The following PIEZO2 variants were observed in gnomAD, a reference collection of about 807,000 sequenced individuals.
The protein encoded by PIEZO2 is piezo-type mechanosensitive ion channel component 2.
PIEZO2 carries 172 observed loss-of-function variants against 337.3 expected under a neutral mutation model. The ratio of observed to expected loss-of-function variants is 0.51; its 90% CI spans 0.45 to 0.58. PIEZO2 has a LOEUF of 0.58. PIEZO2 is among the 20% of genes least tolerant of loss of function. The pLI is 0.00. For missense variants in PIEZO2, 3,028 were observed against 3,391.3 expected (o/e 0.89, Z 2.66); for synonymous variants, 1,251 against 1,228.5 (o/e 1.02, Z -0.38).
At position 10,676,898 on chromosome 18, in the gene PIEZO2, C is replaced by G. The variant is rs1045667893; in HGVS notation, c.8081+849G>C. ...TTCCTGAATAGGGCCCTTGGAGGCA[C>G]CAATAGCCCAGTACCCCCGGGGGCA... On this transcript the variant is annotated intron_variant, in intron 53 of 55. Transcript: ENST00000674853. This position sits in a 1 kb window ranked among gnomAD's most constrained non-coding sequence, Gnocchi z 5.1. Among the ~76,000 whole-genome samples the G allele has an allele frequency of 3.3e-5, 5 of 152,158 alleles. No homozygotes were observed. Among genetic ancestry groups the G allele is most frequent in the Non-Finnish European group, 7.4e-5 (5 of 68,014 alleles).
intron 2 of PIEZO2, among the ~76,000 whole-genome samples, chr18:10,997,473 A>T (rs950372479): frequency 2.0e-5 from 3 of 152,226 alleles, no homozygotes; most frequent in Non-Finnish European, 2.9e-5. Context: ...TTAGAAAATG[A>T]TTTTAAACCA....
At chr18:10,706,624 G>T (rs2143798252) in intron 40 of PIEZO2, among the ~76,000 whole-genome samples, 1 of 152,258 alleles carries the variant, frequency 6.6e-6, no homozygotes, top group South Asian at 2.1e-4. Flanking sequence ...TTGGCATTCT[G>T]TTCTTTTCTC....
At chr18:10,928,035 A>G (rs2031854738) in intron 3 of PIEZO2, among the ~76,000 whole-genome samples, 2 of 152,216 alleles carry the variant, frequency 1.3e-5, no homozygotes, top group African/African-American at 4.8e-5. Context: ...TAACAATACC[A>G]TACACTGGTG....
intron 7 of PIEZO2, among the ~76,000 whole-genome samples, chr18:10,836,222 T>C (rs568175520): frequency 6.6e-6 from 1 of 152,308 alleles, no homozygotes; most frequent in Non-Finnish European, 1.5e-5. Context: ...CCTTGACTGA[T>C]GATTCCTGGA....
chr18:10,726,735 C>T lies in PIEZO2; in HGVS notation c.5029+4672G>A. On this transcript the variant is annotated intron_variant, in intron 36 of 55. Coordinates refer to ENST00000674853, the MANE Select transcript of PIEZO2 (RefSeq NM_001378183.1). The surrounding 1 kb of genome is among the most constrained non-coding windows in gnomAD (Gnocchi z 5.9). ...GCATCCTGTGCATTCTGGGACATCG[C>T]CAGACCATCGATTTCCCGCTGCTGA... is the stretch of plus-strand genomic sequence containing the variant. The T allele has an allele frequency of 6.9e-7, 1 of 1,452,370 alleles. No homozygotes were observed. Among genetic ancestry groups the T allele is most frequent in the South Asian group, 1.2e-5 (1 of 86,914 alleles). The allele number at this position is 1,452,370 out of a possible 1,614,324, so 90.0% of individuals were successfully genotyped here. A position where few individuals can be genotyped will look rare whatever the true frequency, so the allele number is the denominator to read the frequency against.
At chr18:11,012,230 C>T (rs2035933097) in intron 2 of PIEZO2, among the ~76,000 whole-genome samples, 1 of 152,164 alleles carries the variant, frequency 6.6e-6, no homozygotes, top group Non-Finnish European at 1.5e-5. Context: ...ATAAGTGCTC[C>T]ATTATGACAT....
rs950560171 is a variant in PIEZO2 at position 10,746,374 on chromosome 18, A to C, written c.4424+2097T>G. Among the ~76,000 whole-genome samples the C allele has an allele frequency of 9.9e-5, 15 of 152,072 alleles. No individual in the cohort carries two copies. Among genetic ancestry groups the C allele is most frequent in the African/African-American group, 3.6e-4 (15 of 41,410 alleles). ...CAATCTCAGCGCTGCAGTCACTGTG[A>C]GCTTCTGATGGCTACTTCCCTCCGT... is the stretch of plus-strand genomic sequence containing the variant. On this transcript the variant is annotated intron_variant, in intron 30 of 55. Coordinates refer to ENST00000674853, the MANE Select transcript of PIEZO2 (RefSeq NM_001378183.1). The surrounding 1 kb of genome is among the most constrained non-coding windows in gnomAD (Gnocchi z 4.2).
chr18:10,698,918 C>T lies in PIEZO2; in HGVS notation c.6694+7G>A, dbSNP rs886210956. The T allele has an allele frequency of 1.3e-6, 2 of 1,536,034 alleles. No individual in the cohort carries two copies. Among genetic ancestry groups the T allele is most frequent in the African/African-American group, 2.7e-5 (2 of 73,038 alleles). ...CTACAGCCTAGATATATTGTGTCGA[C>T]AGATACCTCTTTGGGATCTGTTTGA... On this transcript the variant is annotated splice_region_variant and intron_variant, in intron 44 of 55. Transcript: ENST00000674853.
rs148015233 is a variant in PIEZO2 at position 11,090,316 on chromosome 18, A to C, written c.65-24094T>G. Among the ~76,000 whole-genome samples, 829 of 152,292 alleles carry C rather than the reference A, an allele frequency of 5.4e-3. 14 individuals carry two copies. Among genetic ancestry groups the C allele is most frequent in the African/African-American group, 0.019 (783 of 41,566 alleles). Reference sequence around the variant, plus strand: ...GAAGAAGGAGGGAAAGAAAAAAGGGAGGGAGGGAGAAAGGAATACAAACTG... The same window carrying C: ...GAAGAAGGAGGGAAAGAAAAAAGGGCGGGAGGGAGAAAGGAATACAAACTG... On this transcript the variant is annotated intron_variant, in intron 1 of 55. Coordinates refer to ENST00000674853, the MANE Select transcript of PIEZO2 (RefSeq NM_001378183.1).
chr18:10,875,024 T>C (rs115753824), intron 4 of PIEZO2, among the ~76,000 whole-genome samples: 303 of 152,302 alleles, frequency 2.0e-3, no homozygotes, highest in African/African-American at 7.1e-3. Flanking sequence ...CCAATTACCC[T>C]GATTTGATCA....
In PIEZO2 at chr18:10,884,319, T is replaced by A. The variant is rs77756472; in HGVS notation, c.330-12904A>T. Among the ~76,000 whole-genome samples the A allele has an allele frequency of 3.3e-3, 510 of 152,358 alleles. 5 individuals carry two copies. Among genetic ancestry groups the A allele is most frequent in the African/African-American group, 0.012 (485 of 41,590 alleles). On this transcript the variant is annotated intron_variant, in intron 4 of 55. Transcript: ENST00000674853. Reference sequence around the variant, plus strand: ...ATCCATTGATGGACACAGGTTGATTTCCTGTTTTGGCTATTGTGATTAGTG... The same window carrying A: ...ATCCATTGATGGACACAGGTTGATTACCTGTTTTGGCTATTGTGATTAGTG...
At chr18:10,996,890 A>G (rs1468401187) in intron 2 of PIEZO2, among the ~76,000 whole-genome samples, 2 of 152,182 alleles carry the variant, frequency 1.3e-5, no homozygotes, top group East Asian at 3.8e-4. Context: ...CTCCCATCCC[A>G]AATTTATATC....
chr18:10,999,899 C>T (rs2035469699), intron 2 of PIEZO2, among the ~76,000 whole-genome samples: 1 of 152,144 alleles, frequency 6.6e-6, no homozygotes, highest in African/African-American at 2.4e-5. Context: ...GAAGAATGTG[C>T]TGGGACTTCG....
rs964007105 is a variant in PIEZO2 at position 10,767,814 on chromosome 18, G to A, written c.2946+2334C>T. ...CCACAGAGGAGTCCAGGAGGAGAAG[G>A]TGCTGGCAACCAGGGGCTGGGTGTC... On this transcript the variant is annotated intron_variant, in intron 21 of 55. Coordinates refer to ENST00000674853, the MANE Select transcript of PIEZO2 (RefSeq NM_001378183.1). This position sits in a 1 kb window ranked among gnomAD's most constrained non-coding sequence, Gnocchi z 4.2. 6.6e-6 allele frequency among the ~76,000 whole-genome samples: 1 copy of A among 152,222 alleles called. No homozygotes were observed. The highest frequency in any genetic ancestry group is 1.5e-5 in the Non-Finnish European group (1 of 68,028).
Position 10,878,004 on chromosome 18 carries a change from A to G in PIEZO2, c.330-6589T>C, listed in dbSNP as rs2042313905. ...TCCCAGTATGCTTCAGGTTCTCCTC[A>G]TCTCTAAAAACACACCTGCCATGTC... On this transcript the variant is annotated intron_variant, in intron 4 of 55. Transcript: ENST00000674853. The surrounding 1 kb of genome is among the most constrained non-coding windows in gnomAD (Gnocchi z 4.3). 6.6e-6 allele frequency among the ~76,000 whole-genome samples: 1 copy of G among 152,022 alleles called. No homozygotes were observed. The highest frequency in any genetic ancestry group is 1.5e-5 in the Non-Finnish European group (1 of 67,996).
intron 4 of PIEZO2, among the ~76,000 whole-genome samples, chr18:10,900,344 G>A (rs1055635876): frequency 1.3e-5 from 2 of 152,060 alleles, no homozygotes; most frequent in East Asian, 1.9e-4. Flanking sequence ...GGAAAGTTTC[G>A]TTACAATGAT....
chr18:11,017,472 T>G lies in PIEZO2; in HGVS notation c.161-37812A>C, dbSNP rs140094084. On this transcript the variant is annotated intron_variant, in intron 2 of 55. Coordinates refer to ENST00000674853, the MANE Select transcript of PIEZO2 (RefSeq NM_001378183.1). ...GCATGAATGCCTTTTTTTTTTGAGA[T>G]GCAGTTTTGCTTTTTTTTTTTTTAC... is the stretch of plus-strand genomic sequence containing the variant. 3.9e-3 allele frequency among the ~76,000 whole-genome samples: 548 copies of G among 141,362 alleles called. 2 individuals are homozygous for G. The highest frequency in any genetic ancestry group is 6.1e-3 in the Non-Finnish European group (401 of 65,434). 92.7% of individuals were successfully genotyped at this position (141,362 alleles called of 152,430 possible).
rs1196489588 is a variant in PIEZO2 at position 10,784,743 on chromosome 18, T to C, written c.2492+41A>G. ...CCTAAGGTAGGGTTGAAGAGCTGCC[T>C]TCCTGCTAATAAGAGGTCTGTGTTT... On this transcript the variant is annotated intron_variant, in intron 17 of 55. Coordinates refer to ENST00000674853, the MANE Select transcript of PIEZO2 (RefSeq NM_001378183.1). This position sits in a 1 kb window ranked among gnomAD's most constrained non-coding sequence, Gnocchi z 4.5. 2.7e-6 allele frequency: 4 copies of C among 1,465,526 alleles called. No individual in the cohort carries two copies. The African/African-American group carries it at 5.6e-5, about 21-fold the overall frequency. 90.8% of individuals were successfully genotyped at this position (1,465,526 alleles called of 1,614,324 possible).
At chr18:11,119,916 T>C (rs944619684) in intron 1 of PIEZO2, among the ~76,000 whole-genome samples, 1 of 152,360 alleles carries the variant, frequency 6.6e-6, no homozygotes, top group South Asian at 2.1e-4. Context: ...TACTACCTAG[T>C]TGATACTTCA....
Sources: gnomAD v4.1 joint callset for allele counts (sites outside exome capture counted in the v4.1 genomes callset) on GRCh38, gnomAD v4.1.1 for gene constraint, Gnocchi (gnomAD v3.1) non-coding constraint, MANE v1.5 for transcripts, NCBI Gene and HGNC (gene_info 2026-07-23, HGNC 2026-07-21) for gene names.